The following GATAD2A variants were observed in gnomAD, a reference collection of about 807,000 sequenced individuals.
GATAD2A encodes transcriptional repressor p66-alpha.
Under a neutral mutation model 68.5 loss-of-function variants are expected in GATAD2A, and 12 were observed. The ratio of observed to expected loss-of-function variants is 0.18; its 90% CI spans 0.11 to 0.28. The LOEUF is 0.28. Among genes scored for constraint, GATAD2A ranks in the 10% least tolerant of loss-of-function variants. The pLI is 1.00. For synonymous variants in GATAD2A, 410 were observed against 375.3 expected (o/e 1.09, Z -1.07); for missense variants, 755 against 868.5 (o/e 0.87, Z 1.64).
chr19:19,413,279 C>T (rs1274979394), intron 1 of GATAD2A, among the ~76,000 whole-genome samples: 1 of 152,188 alleles, frequency 6.6e-6, no homozygotes, highest in Non-Finnish European at 1.5e-5. Context: ...AACATTTTTC[C>T]TTGTTGCTCA....
intron 9 of GATAD2A, among the ~76,000 whole-genome samples, chr19:19,501,718 C>G (rs189173534): frequency 1.3e-4 from 20 of 152,318 alleles, no homozygotes; most frequent in Non-Finnish European, 2.6e-4. Flanking sequence ...AGTTTGAAAT[C>G]AAGTTTTTTG....
rs929210364 is a variant in GATAD2A at position 19,506,176 on chromosome 19, G to T, written c.*702G>T. 2 of 398,690 alleles carry T rather than the reference G, an allele frequency of 5.0e-6. No homozygotes were observed. The highest frequency in any genetic ancestry group is 8.9e-6 in the Non-Finnish European group (2 of 225,946). The allele number at this position is 398,690 out of a possible 1,614,324, so 24.7% of individuals were successfully genotyped here. On this transcript the variant is annotated 3_prime_UTR_variant, in exon 12 of 12. Coordinates refer to ENST00000683918, the MANE Select transcript of GATAD2A (RefSeq NM_001384528.1). ...TGCAGGGATGGCCGAGGCAGCCCTC[G>T]CTCCAGCTGAACGCCTCCATTGCTG...
intron 1 of GATAD2A, among the ~76,000 whole-genome samples, chr19:19,392,750 G>C (rs1745840250): frequency 6.7e-6 from 1 of 148,564 alleles, no homozygotes; most frequent in South Asian, 2.1e-4. Context: ...AGCCTGGAGT[G>C]TAGTGGCACA....
intron 2 of GATAD2A, among the ~76,000 whole-genome samples, chr19:19,480,216 T>C (rs1824149223): frequency 6.6e-6 from 1 of 152,208 alleles, no homozygotes; most frequent in Non-Finnish European, 1.5e-5. Context: ...TTTCTTCCCC[T>C]GAATGACATT....
chr19:19,416,523 A>G (rs769811490), intron 1 of GATAD2A, among the ~76,000 whole-genome samples: 27 of 152,150 alleles, frequency 1.8e-4, no homozygotes, highest in Non-Finnish European at 3.5e-4. Context: ...CCCTATTGCA[A>G]AAGGCAGCAG....
At chr19:19,475,432 G>T (rs566495134) in intron 2 of GATAD2A, among the ~76,000 whole-genome samples, 1 of 152,164 alleles carries the variant, frequency 6.6e-6, no homozygotes, top group African/African-American at 2.4e-5. Flanking sequence ...CAGAGTCAGG[G>T]TCCAGACAGG....
intron 2 of GATAD2A, among the ~76,000 whole-genome samples, chr19:19,469,956 AAAAAG>A (rs2058156691): frequency 1.3e-5 from 2 of 151,422 alleles, no homozygotes; most frequent in South Asian, 4.2e-4. Context: ...AGAAAAAAAA[AAAAAG>A]AAGCAAGATT....
Position 19,497,492 on chromosome 19 carries a change from G to A in GATAD2A, c.925-951G>A, listed in dbSNP as rs182084771. Among the ~76,000 whole-genome samples the A allele has an allele frequency of 2.0e-5, 3 of 152,308 alleles. No individual in the cohort carries two copies. In the East Asian group the frequency reaches 5.8e-4, roughly 29 times the overall value. ...AGAGAAGGTGGTCTGCTCCTAGCGT[G>A]GCTGGGGGAGGCTCTGAGGGGAAGG... is the stretch of plus-strand genomic sequence containing the variant. On this transcript the variant is annotated intron_variant, in intron 7 of 11. Coordinates refer to ENST00000683918, the MANE Select transcript of GATAD2A (RefSeq NM_001384528.1).
chr19:19,464,695 A>C (rs1483159008), intron 1 of GATAD2A: 2 of 152,998 alleles, frequency 1.3e-5, no homozygotes, highest in African/African-American at 4.8e-5. Context: ...TGTGTGCTGC[A>C]GGTACAGGGC....
At chr19:19,423,032 G>A (rs1260082123) in intron 1 of GATAD2A, among the ~76,000 whole-genome samples, 1 of 151,906 alleles carries the variant, frequency 6.6e-6, no homozygotes, top group African/African-American at 2.4e-5. Context: ...TTTGAGTTAG[G>A]ATTTCGTTCT....
chr19:19,390,838 A>G (rs990104444), intron 1 of GATAD2A, among the ~76,000 whole-genome samples: 2 of 152,194 alleles, frequency 1.3e-5, no homozygotes, highest in African/African-American at 4.8e-5. Flanking sequence ...CCATTCTTTC[A>G]TTGTAATAGA....
intron 7 of GATAD2A, among the ~76,000 whole-genome samples, 167 bp from the exon 8 acceptor site, chr19:19,498,276 C>CTGGCTTCTGAGAGCCTGTTATCA (rs2060282426): frequency 6.6e-6 from 1 of 152,266 alleles, no homozygotes; most frequent in Non-Finnish European, 1.5e-5. Flanking sequence ...CCCTGCTGCC[C>CTGGCTTCTGAGAGCCTGTTATCA]TGGCTTCTGA....
At position 19,506,427 on chromosome 19, in the gene GATAD2A, G is replaced by T. The variant is rs1046131934; in HGVS notation, c.*953G>T. The T allele has an allele frequency of 6.7e-6, 2 of 296,658 alleles. No homozygotes were observed. Among genetic ancestry groups the T allele is most frequent in the African/African-American group, 4.3e-5 (2 of 46,342 alleles). 18.4% of individuals were successfully genotyped at this position (296,658 alleles called of 1,614,324 possible). On this transcript the variant is annotated 3_prime_UTR_variant, in exon 12 of 12. Transcript: ENST00000683918. ...TTTTTTCCTTTTTTCTATTCATTTC[G>T]ATGGACGCAATCTTAAGCCACCCTG...
intron 1 of GATAD2A, among the ~76,000 whole-genome samples, chr19:19,408,220 C>T (rs997356889): frequency 6.6e-6 from 1 of 152,162 alleles, no homozygotes; most frequent in Non-Finnish European, 1.5e-5. Flanking sequence ...CTCCTGACCT[C>T]GTGATCTGCC....
intron 2 of GATAD2A, among the ~76,000 whole-genome samples, chr19:19,473,849 G>A (rs1431342875): frequency 6.6e-6 from 1 of 152,048 alleles, no homozygotes; most frequent in East Asian, 1.9e-4. Flanking sequence ...GGGTGGCTGA[G>A]GCAGGAGAAT....
chr19:19,400,447 G>A (rs1388949160), intron 1 of GATAD2A, among the ~76,000 whole-genome samples: 3 of 152,062 alleles, frequency 2.0e-5, no homozygotes, highest in Non-Finnish European at 4.4e-5. Flanking sequence ...CATAAACGAT[G>A]GTGATGGGGA....
chr19:19,390,204 A>G (rs1298939223), intron 1 of GATAD2A, among the ~76,000 whole-genome samples: 1 of 152,148 alleles, frequency 6.6e-6, no homozygotes, highest in Non-Finnish European at 1.5e-5. Context: ...ATGGCACAAA[A>G]TTGGCATGTT....
intron 2 of GATAD2A, among the ~76,000 whole-genome samples, chr19:19,472,941 T>G (rs2058420661): frequency 6.6e-6 from 1 of 152,200 alleles, no homozygotes. Context: ...ATGCAGCTAT[T>G]TTTTTGGAAG....
chr19:19,391,263 A>G (rs1403241396), intron 1 of GATAD2A, among the ~76,000 whole-genome samples: 1 of 152,124 alleles, frequency 6.6e-6, no homozygotes, highest in Admixed American at 6.5e-5. Flanking sequence ...GGCTGCTCCT[A>G]TGTTTGAAGA....
Sources: gnomAD v4.1 joint callset for allele counts (sites outside exome capture counted in the v4.1 genomes callset) on GRCh38, gnomAD v4.1.1 for gene constraint, MANE v1.5 for transcripts, NCBI Gene and HGNC (gene_info 2026-07-23, HGNC 2026-07-21) for gene names.